NRG2: variants seen among roughly 807,000 people sequenced by gnomAD.
NRG2 encodes the protein neuregulin 2, also known as pro-neuregulin-2, membrane-bound isoform.
In NRG2, 27 loss-of-function variants were observed where a neutral mutation model predicts 73.9. That is an observed-to-expected ratio of 0.37 (90% CI 0.27 to 0.50). The LOEUF (loss-of-function observed/expected upper bound fraction) is 0.50, where lower values mean the gene tolerates loss of function less well. Ranked by LOEUF, NRG2 falls within the 20% of genes least tolerant of loss-of-function variation. NRG2 has a pLI of 0.96. For synonymous variants in NRG2, 532 were observed against 541.0 expected, an observed-to-expected ratio of 0.98 and a Z score of 0.23; for missense variants, 1,126 against 1,210.1, an observed-to-expected ratio of 0.93 and a Z score of 1.03.
chr5:139,886,151 C>T (rs1356086844), intron 2 of NRG2, among the ~76,000 whole-genome samples: 1 of 152,220 alleles, frequency 6.6e-6, no homozygotes, highest in Non-Finnish European at 1.5e-5. Flanking sequence ...CAAACTCTTC[C>T]TTAATTACAT....
chr5:140,029,046 G>A (rs1398144930), intron 1 of NRG2, among the ~76,000 whole-genome samples: 2 of 152,204 alleles, frequency 1.3e-5, no homozygotes, highest in African/African-American at 4.8e-5. Context: ...GTCGCAACTA[G>A]TGTCTGACTG....
chr5:139,988,127 C>T (rs1046106264), intron 1 of NRG2, among the ~76,000 whole-genome samples: 1 of 151,922 alleles, frequency 6.6e-6, no homozygotes, highest in African/African-American at 2.4e-5. Flanking sequence ...TTAGAATGGC[C>T]AAAGTCCAGA....
In NRG2 at chr5:139,938,835, C is replaced by A. The variant is rs1753048671; in HGVS notation, c.701-51324G>T. Among the ~76,000 whole-genome samples the A allele has an allele frequency of 2.6e-5, 3 of 117,532 alleles. No individual in the cohort carries two copies. In the Admixed American group the frequency reaches 3.1e-4, roughly 12 times the overall value. The allele number at this position is 117,532 out of a possible 152,430, so 77.1% of individuals were successfully genotyped here. ...AACAGTGCTGAAACAATTGGACAGT[C>A]ATATACAGAAAGGGAAGAGAGAGAG... On this transcript the variant is annotated intron_variant, in intron 1 of 9. Transcript: ENST00000361474.
Position 140,016,012 on chromosome 5 carries a change from C to T in NRG2, c.700+26358G>A, listed in dbSNP as rs565612667. Among the ~76,000 whole-genome samples the T allele has an allele frequency of 1.0e-3, 159 of 152,284 alleles. 6 individuals are homozygous for T. The South Asian group carries it at 0.031, about 30-fold the overall frequency. On this transcript the variant is annotated intron_variant, in intron 1 of 9. Coordinates refer to ENST00000361474, the MANE Select transcript of NRG2 (RefSeq NM_004883.3). The stretch of plus-strand genomic sequence containing the variant: ...TGGCTCAGACACCTTTGTAGCCCAT[C>T]ATTCATTCTACACTGGGGAGGAAGG...
intron 6 of NRG2, among the ~76,000 whole-genome samples, chr5:139,854,084 G>A (rs548048192): frequency 2.4e-4 from 37 of 152,146 alleles, no homozygotes; most frequent in Middle Eastern, 3.4e-3. Context: ...CTAAGTACCC[G>A]CAAAAATGAA....
At chr5:139,876,330 G>T (rs767259109) in intron 3 of NRG2, among the ~76,000 whole-genome samples, 3 of 152,120 alleles carry the variant, frequency 2.0e-5, no homozygotes, top group South Asian at 4.1e-4. Flanking sequence ...GGGCTGGAGA[G>T]GGGGAGAAAT....
In NRG2 at chr5:139,960,755, C is replaced by G. The variant is rs534480599; in HGVS notation, c.701-73244G>C. Among the ~76,000 whole-genome samples, 65 of 152,256 alleles carry G rather than the reference C, an allele frequency of 4.3e-4. 2 individuals are homozygous for G. Among genetic ancestry groups the G allele is most frequent in the Non-Finnish European group, 1.5e-5 (1 of 68,018 alleles). On this transcript the variant is annotated intron_variant, in intron 1 of 9. Coordinates refer to ENST00000361474, the MANE Select transcript of NRG2 (RefSeq NM_004883.3). ...GACAACTTAGGGAAGAAAGAATAAA[C>G]AGGTAGATGCCTAAGAACTCAGAAC...
chr5:139,926,736 C>T (rs1042035099), intron 1 of NRG2, among the ~76,000 whole-genome samples: 2 of 152,214 alleles, frequency 1.3e-5, no homozygotes, highest in African/African-American at 2.4e-5. Flanking sequence ...GTTCATCTAT[C>T]AGTTCATCCA....
At chr5:140,041,810 C>T (rs928514681) in intron 1 of NRG2, among the ~76,000 whole-genome samples, 4 of 152,164 alleles carry the variant, frequency 2.6e-5, no homozygotes, top group African/African-American at 7.2e-5. Flanking sequence ...AAGTCCAACT[C>T]TGCCTGCGCC....
intron 1 of NRG2, among the ~76,000 whole-genome samples, chr5:139,891,822 T>C (rs1350112476): frequency 6.6e-6 from 1 of 152,106 alleles, no homozygotes; most frequent in African/African-American, 2.4e-5. Flanking sequence ...ATTTATTTTG[T>C]ACATTAAAAA....
chr5:139,971,911 C>T (rs759543868), intron 1 of NRG2, among the ~76,000 whole-genome samples: 31 of 151,984 alleles, frequency 2.0e-4, no homozygotes, highest in African/African-American at 2.4e-4. Context: ...GAAGAATAAA[C>T]GTAGAATAGC....
intron 1 of NRG2, among the ~76,000 whole-genome samples, chr5:139,925,263 T>C (rs527813655): frequency 1.6e-4 from 25 of 152,320 alleles, no homozygotes; most frequent in Admixed American, 2.6e-4. Flanking sequence ...GAGGCTGCAC[T>C]GTACAGCCAT....
rs1425005899 is a variant in NRG2 at position 140,043,265 on chromosome 5, G to T, written c.-196C>A. The T allele has an allele frequency of 1.7e-6, 1 of 582,880 alleles. No homozygotes were observed. Among genetic ancestry groups the T allele is most frequent in the Non-Finnish European group, 2.9e-6 (1 of 340,502 alleles). 36.1% of individuals were successfully genotyped at this position (582,880 alleles called of 1,614,324 possible). ...GATGCGCAGCGCGGCGCAGCGCAGCGCTCCCACCCTGTGCGCCAGGACCTG... is the reference window on the plus strand; with the variant it reads ...GATGCGCAGCGCGGCGCAGCGCAGCTCTCCCACCCTGTGCGCCAGGACCTG... On this transcript the variant is annotated 5_prime_UTR_variant, in exon 1 of 10. Transcript: ENST00000361474. This position sits in a 1 kb window ranked among gnomAD's most constrained non-coding sequence, Gnocchi z 6.7.
chr5:140,031,532 A>G (rs973788318), intron 1 of NRG2, among the ~76,000 whole-genome samples: 7 of 152,154 alleles, frequency 4.6e-5, no homozygotes, highest in Admixed American at 4.6e-4. Flanking sequence ...ACCAATAACA[A>G]TGCTAGAAAA....
At chr5:139,857,231 G>C (rs377077537) in intron 5 of NRG2, among the ~76,000 whole-genome samples, 2 of 152,166 alleles carry the variant, frequency 1.3e-5, no homozygotes, top group Non-Finnish European at 2.9e-5. Flanking sequence ...GAAGATAGAC[G>C]GGCCTGGGCT....
intron 1 of NRG2, among the ~76,000 whole-genome samples, chr5:140,004,584 A>G (rs1210385818): frequency 6.6e-6 from 1 of 152,230 alleles, no homozygotes; most frequent in Non-Finnish European, 1.5e-5. Context: ...TAATGAGAAA[A>G]TATTAGACAA....
At chr5:139,995,089 T>A (rs1398685906) in intron 1 of NRG2, among the ~76,000 whole-genome samples, 1 of 152,200 alleles carries the variant, frequency 6.6e-6, no homozygotes, top group Non-Finnish European at 1.5e-5. Flanking sequence ...ACATACTAAT[T>A]AGCATTCGAA....
At chr5:139,885,675 A>T (rs1018967713) in intron 2 of NRG2, among the ~76,000 whole-genome samples, 1 of 151,736 alleles carries the variant, frequency 6.6e-6, no homozygotes, top group Non-Finnish European at 1.5e-5. Context: ...TTACCAGAGA[A>T]AGGAGTGAGT....
At chr5:140,025,713 C>G (rs1760631705) in intron 1 of NRG2, among the ~76,000 whole-genome samples, 1 of 152,138 alleles carries the variant, frequency 6.6e-6, no homozygotes, top group Admixed American at 6.5e-5. Flanking sequence ...ATGCTTATTC[C>G]CAATGGCCAG....
Sources: gnomAD v4.1 joint callset for allele counts (sites outside exome capture counted in the v4.1 genomes callset) on GRCh38, gnomAD v4.1.1 for gene constraint, Gnocchi (gnomAD v3.1) non-coding constraint, MANE v1.5 for transcripts, NCBI Gene and HGNC (gene_info 2026-07-23, HGNC 2026-07-21) for gene names.